Variants in ATR observed in about 807,000 individuals in gnomAD.
ATR encodes the protein serine/threonine-protein kinase ATR.
ATR carries 142 observed loss-of-function variants against 305.3 expected under a neutral mutation model. The observed-to-expected ratio is 0.47, with a 90% CI of 0.41 to 0.53. The LOEUF is 0.53. Among genes scored for constraint, ATR ranks in the 20% least tolerant of loss-of-function variants. ATR has a pLI of 0.00. For synonymous variants in ATR, 1,050 were observed against 1,068.1 expected (o/e 0.98, Z 0.33); for missense variants, 2,135 against 3,133.1 (o/e 0.68, Z 7.60).
At chr3:142,532,948 C>A (rs2033718207) in intron 21 of ATR, among the ~76,000 whole-genome samples, 1 of 152,142 alleles carries the variant, frequency 6.6e-6, no homozygotes, top group South Asian at 2.1e-4. Context: ...GTAGGTTCAA[C>A]CAACTTGTAG....
chr3:142,472,727 T>TC (rs796106816), intron 36 of ATR, among the ~76,000 whole-genome samples: 5 of 152,266 alleles, frequency 3.3e-5, no homozygotes, highest in African/African-American at 1.2e-4. Context: ...AACCTCCACC[T>TC]CCTAGGCTAA....
chr3:142,496,125 G>A (rs1213020257), intron 34 of ATR, among the ~76,000 whole-genome samples: 2 of 151,312 alleles, frequency 1.3e-5, no homozygotes, highest in African/African-American at 4.9e-5. Context: ...GCCTTGAAAT[G>A]GGAAGGTATC....
chr3:142,534,523 G>A (rs961787581), intron 21 of ATR, among the ~76,000 whole-genome samples: 3 of 152,114 alleles, frequency 2.0e-5, no homozygotes, highest in Admixed American at 2.0e-4. Flanking sequence ...ATGCAAAAAT[G>A]AGTAATTCCG....
chr3:142,576,085 T>C (rs2035428411), intron 1 of ATR, among the ~76,000 whole-genome samples: 1 of 152,186 alleles, frequency 6.6e-6, no homozygotes, highest in Non-Finnish European at 1.5e-5. Flanking sequence ...ATAGTTCAGG[T>C]AAGAAATTCT....
intron 36 of ATR, among the ~76,000 whole-genome samples, chr3:142,481,782 G>C (rs1187662385): frequency 6.6e-6 from 1 of 151,800 alleles, no homozygotes; most frequent in East Asian, 1.9e-4. Flanking sequence ...TAATCACCGT[G>C]CCCAGCCATA....
intron 14 of ATR, 95 bp downstream of exon 14, chr3:142,550,037 C>T: frequency 6.7e-7 from 1 of 1,488,206 alleles, no homozygotes; most frequent in Non-Finnish European, 9.3e-7. Context: ...AGTTTTACAG[C>T]ATAAGCAATA....
At chr3:142,479,445 G>C (rs2030239898) in intron 36 of ATR, among the ~76,000 whole-genome samples, 1 of 152,110 alleles carries the variant, frequency 6.6e-6, no homozygotes, top group South Asian at 2.1e-4. Context: ...TAGAATTTCT[G>C]CCGAGAGATC....
intron 1 of ATR, among the ~76,000 whole-genome samples, chr3:142,576,152 T>C (rs2035430812): frequency 6.6e-6 from 1 of 152,224 alleles, no homozygotes; most frequent in African/African-American, 2.4e-5. Flanking sequence ...CTTAAACATA[T>C]GGTTGTCAGA....
intron 21 of ATR, among the ~76,000 whole-genome samples, chr3:142,533,864 A>G (rs2033754242): frequency 6.6e-6 from 1 of 152,146 alleles, no homozygotes. Flanking sequence ...GGAATCCTGT[A>G]AGGAAGTTGC....
intron 36 of ATR, chr3:142,472,282 C>T (rs187859397): frequency 1.3e-5 from 2 of 152,106 alleles, no homozygotes; most frequent in South Asian, 2.1e-4. Flanking sequence ...TAGATATATA[C>T]CCCATAATGG....
chr3:142,539,551 G>A (rs182163197), intron 18 of ATR, among the ~76,000 whole-genome samples: 1 of 152,196 alleles, frequency 6.6e-6, no homozygotes, highest in African/African-American at 2.4e-5. Flanking sequence ...GGTTGCTACA[G>A]CACAAACCTA....
chr3:142,485,126 G>A lies in ATR; in HGVS notation c.6221+14C>T, dbSNP rs2108310671. On this transcript the variant is annotated intron_variant, in intron 36 of 46. Transcript: ENST00000350721. ...TACATATTTAATCTGCAAACATGCA[G>A]TTCTCATACTCACCTGCCAAAATGA... 1 of 1,613,984 alleles carries A rather than the reference G, an allele frequency of 6.2e-7. No individual in the cohort carries two copies. The highest frequency in any genetic ancestry group is 1.3e-5 in the African/African-American group (1 of 75,036).
At chr3:142,573,721 G>A (rs1350214489) in intron 1 of ATR, among the ~76,000 whole-genome samples, 5 of 152,024 alleles carry the variant, frequency 3.3e-5, no homozygotes, top group African/African-American at 1.2e-4. Flanking sequence ...ATGTGTAATC[G>A]ATATAAAAAT....
intron 42 of ATR, among the ~76,000 whole-genome samples, 180 bp from the exon 43 acceptor site, chr3:142,459,563 T>C (rs1274935161): frequency 2.2e-4 from 34 of 152,182 alleles, no homozygotes; most frequent in Non-Finnish European, 4.9e-4. Context: ...AATAAAATAA[T>C]AAACCACATT....
At chr3:142,529,413 T>TA (rs998349539) in intron 21 of ATR, among the ~76,000 whole-genome samples, 3 of 152,146 alleles carry the variant, frequency 2.0e-5, no homozygotes, top group Non-Finnish European at 4.4e-5. Flanking sequence ...TTCTCTCATT[T>TA]AAAAAAATTG....
At chr3:142,474,357 C>T (rs1317244928) in intron 36 of ATR, among the ~76,000 whole-genome samples, 1 of 152,044 alleles carries the variant, frequency 6.6e-6, no homozygotes, top group Non-Finnish European at 1.5e-5. Context: ...TTAATTCTTC[C>T]AATACATAAA....
At chr3:142,537,549 A>G (rs1227978410) in intron 19 of ATR, among the ~76,000 whole-genome samples, 12 of 152,206 alleles carry the variant, frequency 7.9e-5, no homozygotes, top group Admixed American at 5.9e-4. Flanking sequence ...AAAATATCAA[A>G]AATAAAAGTA....
chr3:142,521,483 TTC>T (rs2033145576), intron 23 of ATR, among the ~76,000 whole-genome samples: 1 of 152,238 alleles, frequency 6.6e-6, no homozygotes, highest in Non-Finnish European at 1.5e-5. Flanking sequence ...CAGATAGTAA[TTC>T]CTCTGATGGA....
intron 19 of ATR, among the ~76,000 whole-genome samples, chr3:142,537,666 T>A (rs1470283124): frequency 6.6e-6 from 1 of 152,002 alleles, no homozygotes; most frequent in Admixed American, 6.6e-5. Context: ...TATGGGTGAG[T>A]AGGTAAATAA....
Sources: allele counts gnomAD v4.1 joint callset (sites outside exome capture counted in the v4.1 genomes callset), GRCh38; gene constraint gnomAD v4.1.1; transcripts MANE v1.5; gene names NCBI Gene and HGNC (gene_info 2026-07-23, HGNC 2026-07-21).